SPINK5: variants seen among roughly 807,000 people sequenced by gnomAD.
The protein encoded by SPINK5 is serine protease inhibitor Kazal-type 5.
In SPINK5, 125 loss-of-function variants were observed where a neutral mutation model predicts 151.8. The ratio of observed to expected loss-of-function variants is 0.82; its 90% CI spans 0.71 to 0.96. SPINK5 has a LOEUF of 0.96. SPINK5 is among the 40% of genes least tolerant of loss of function. The pLI is 0.00. For synonymous variants in SPINK5, 374 were observed against 395.3 expected, an observed-to-expected ratio of 0.95 and a Z score of 0.64; for missense variants, 1,194 against 1,291.9, an observed-to-expected ratio of 0.92 and a Z score of 1.16.
At chr5:148,089,679 G>GA in intron 7 of SPINK5, 58 bp downstream of exon 7, 3 of 1,609,432 alleles carry the variant, frequency 1.9e-6, no homozygotes, top group Admixed American at 1.7e-5. Flanking sequence ...GCTGTCCCGA[G>GA]AATCACTCAG....
At chr5:148,098,159 G>C (rs1448691327) in intron 11 of SPINK5, among the ~76,000 whole-genome samples, 165 bp downstream of exon 11, 1 of 152,028 alleles carries the variant, frequency 6.6e-6, no homozygotes, top group Non-Finnish European at 1.5e-5. Flanking sequence ...AGTACCTAGA[G>C]TTATTTGTTT....
intron 4 of SPINK5, among the ~76,000 whole-genome samples, chr5:148,083,139 ACTTT>A (rs1235425912): frequency 6.6e-6 from 1 of 151,374 alleles, no homozygotes; most frequent in Non-Finnish European, 1.5e-5. Context: ...TGATTGTTAT[ACTTT>A]CTTGTTCTTG....
Position 148,119,045 on chromosome 5 carries a change from C to G in SPINK5, c.2300C>G (p.Ser767Ter). 6.2e-7 allele frequency: 1 copy of G among 1,613,906 alleles called. No individual in the cohort carries two copies. Among genetic ancestry groups the G allele is most frequent in the Non-Finnish European group, 8.5e-7 (1 of 1,179,888 alleles). The change falls in exon 24 of 33, where the codon TCA becomes TGA. Residue 767 changes from serine (S) to a stop codon, truncating the protein, a stop_gained. Coordinates refer to ENST00000256084, the MANE Select transcript of SPINK5 (RefSeq NM_006846.4). LOFTEE classifies it high-confidence loss of function. ...YSRSRSNGTG[S>*]ESGKDTCDEF... ...CGCTCCAGATCAAATGGGACTGGAT[C>G]AGAATCAGGGAAGGTGAGTTATTTT...
chr5:148,077,279 C>T (rs113445159), intron 4 of SPINK5, among the ~76,000 whole-genome samples: 5,020 of 149,990 alleles, frequency 0.033, 307 homozygotes, highest in African/African-American at 0.11. Flanking sequence ...AAAAGCTGGC[C>T]CCTCATCTAA....
chr5:148,094,396 C>CT lies in SPINK5; in HGVS notation c.715dup (p.Cys239LeufsTer6), dbSNP rs773514258. 6 of 1,612,708 alleles carry CT rather than the reference C, an allele frequency of 3.7e-6. No individual in the cohort carries two copies. The highest frequency in any genetic ancestry group is 2.2e-5 in the East Asian group (1 of 44,808). ...TGAAAAACAAGTGAGAAATGGAAGG[C>CT]TTTTTTGTACACGGGAGAGTGATCC... On this transcript the variant is annotated frameshift_variant, in exon 9 of 33. Transcript: ENST00000256084. LOFTEE classifies it high-confidence loss of function.
chr5:148,065,276 A>C (rs1430993623), intron 1 of SPINK5, 71 bp from the exon 2 acceptor site: 1 of 1,529,786 alleles, frequency 6.5e-7, no homozygotes, highest in East Asian at 2.3e-5. Flanking sequence ...TGCTGCATTA[A>C]ATGGATTATT....
intron 5 of SPINK5, among the ~76,000 whole-genome samples, chr5:148,087,823 C>A (rs1369174756): frequency 6.6e-6 from 1 of 151,850 alleles, no homozygotes. Context: ...GCAGCTCTAG[C>A]TGCTAGGAGG....
At chr5:148,118,315 C>T (rs1754153076) in intron 22 of SPINK5, 122 bp from the exon 23 acceptor site, 2 of 1,464,662 alleles carry the variant, frequency 1.4e-6, no homozygotes, top group Admixed American at 1.7e-5. Flanking sequence ...CCGTACCCGG[C>T]AATGTTATGT....
chr5:148,132,531 C>T (rs1754599920), intron 31 of SPINK5, among the ~76,000 whole-genome samples: 1 of 152,076 alleles, frequency 6.6e-6, no homozygotes, highest in African/African-American at 2.4e-5. Context: ...ATCCCTGCAA[C>T]CTGCTATGGA....
chr5:148,106,728 C>T (rs1009336380), intron 16 of SPINK5, among the ~76,000 whole-genome samples: 4 of 152,148 alleles, frequency 2.6e-5, no homozygotes, highest in African/African-American at 9.7e-5. Context: ...TTCTCATTTC[C>T]TCCAGGAAGG....
At position 148,118,665 on chromosome 5, in the gene SPINK5, C is replaced by A. The variant is rs563773144; in HGVS notation, c.2240+101C>A. The A allele has an allele frequency of 3.5e-5, 53 of 1,501,954 alleles. 1 individual carries two copies. The highest frequency in any genetic ancestry group is 2.2e-4 in the South Asian group (19 of 86,868). 93.0% of individuals were successfully genotyped at this position (1,501,954 alleles called of 1,614,324 possible). A position where few individuals can be genotyped will look rare whatever the true frequency, so the allele number is the denominator to read the frequency against. On this transcript the variant is annotated intron_variant, in intron 23 of 32. Coordinates refer to ENST00000256084, the MANE Select transcript of SPINK5 (RefSeq NM_006846.4). ...TATGGCTCCTTCCATGCAAATTATT[C>A]TTTTTGCTAATTTCCAAATATTCTA...
rs777537093 is a variant in SPINK5, at chr5:148,118,493, G to C, written c.2169G>C (p.Arg723=). Residue 723 remains arginine, a synonymous_variant, in exon 23 of 33, where the codon CGG becomes CGC. Transcript: ENST00000256084. ...AAAATGGAAGACTCAGCTGTACTCG[G>C]GAGAGTGATCCTGTACGTGATGCTG... ...QMKNGRLSCT[R]ESDPVRDADG... 6.2e-7 allele frequency: 1 copy of C among 1,614,132 alleles called. No individual in the cohort carries two copies. The highest frequency in any genetic ancestry group is 1.7e-5 in the Admixed American group (1 of 60,014).
intron 19 of SPINK5, 118 bp downstream of exon 19, chr5:148,112,013 A>C: frequency 6.7e-7 from 1 of 1,493,798 alleles, no homozygotes; most frequent in Non-Finnish European, 9.3e-7. Flanking sequence ...CTGTCTTTGC[A>C]CTGAGTTTGG....
intron 15 of SPINK5, 132 bp downstream of exon 15, chr5:148,102,040 T>C: frequency 7.5e-7 from 1 of 1,337,106 alleles, no homozygotes; most frequent in East Asian, 2.5e-5. Flanking sequence ...CATATTTAAA[T>C]GGACTAAAAA....
intron 4 of SPINK5, among the ~76,000 whole-genome samples, chr5:148,073,517 G>A (rs973319494): frequency 3.3e-5 from 5 of 151,764 alleles, no homozygotes; most frequent in African/African-American, 9.7e-5. Context: ...TGTCTTATTT[G>A]TCACATTCAA....
intron 20 of SPINK5, 89 bp from the exon 21 acceptor site, chr5:148,114,273 T>C: frequency 2.9e-6 from 4 of 1,383,476 alleles, no homozygotes; most frequent in East Asian, 2.7e-5. Flanking sequence ...TCTCTCTCTT[T>C]TTTTTTTTTC....
chr5:148,131,331 G>A lies in SPINK5; in HGVS notation c.3037G>A (p.Val1013Ile), dbSNP rs765516710. Residue 1013 changes from valine to isoleucine, a missense_variant, in exon 31 of 33, where the codon GTC becomes ATC. Coordinates refer to ENST00000256084, the MANE Select transcript of SPINK5 (RefSeq NM_006846.4). ...GYLCPKDLKP[V>I]CGDDGQTYNN... ...TCTTTGTCCAAAGGATTTAAAGCCT[G>A]TCTGTGGTGACGATGGCCAAACCTA... is the stretch of plus-strand genomic sequence containing the variant. 1 of 1,613,832 alleles carries A rather than the reference G, an allele frequency of 6.2e-7. No homozygotes were observed.
At chr5:148,090,422 C>G (rs916212298) in intron 7 of SPINK5, among the ~76,000 whole-genome samples, 4 of 151,810 alleles carry the variant, frequency 2.6e-5, no homozygotes, top group African/African-American at 7.2e-5. Flanking sequence ...GGAAATCAGC[C>G]TGATTTCCAC....
chr5:148,129,319 T>C (rs2161434), intron 30 of SPINK5, among the ~76,000 whole-genome samples: 85,367 of 152,024 alleles, frequency 0.56, 24,693 homozygotes, highest in Admixed American at 0.65. Context: ...TAACTTTGCC[T>C]GATACCTATT....
Sources: gnomAD v4.1 joint callset for allele counts (sites outside exome capture counted in the v4.1 genomes callset) on GRCh38, gnomAD v4.1.1 for gene constraint, MANE v1.5 for transcripts, NCBI Gene and HGNC (gene_info 2026-07-23, HGNC 2026-07-21) for gene names.